Variants in MAGI3 observed in about 807,000 individuals in gnomAD.
MAGI3 encodes the protein membrane associated guanylate kinase, WW and PDZ domain containing 3.
In MAGI3, 43 loss-of-function variants were observed where a neutral mutation model predicts 121.8. That is an observed-to-expected ratio of 0.35 (90% CI 0.28 to 0.46). The LOEUF is 0.46. Ranked by LOEUF, MAGI3 falls within the 20% of genes least tolerant of loss-of-function variation. The pLI, the probability that MAGI3 is intolerant of heterozygous loss-of-function variation, is 1.00. For synonymous variants in MAGI3, 553 were observed against 639.3 expected (o/e 0.86, Z 2.04); for missense variants, 1,547 against 1,797.3 (o/e 0.86, Z 2.52).
chr1:113,409,976 C>T (rs1011431053), intron 1 of MAGI3, among the ~76,000 whole-genome samples: 2 of 152,096 alleles, frequency 1.3e-5, no homozygotes, highest in African/African-American at 2.4e-5. Context: ...CGTATTCTGC[C>T]TAATGTAAAT....
chr1:113,484,707 C>CTT, intron 1 of MAGI3, among the ~76,000 whole-genome samples: 1 of 82,170 alleles, frequency 1.2e-5, no homozygotes, highest in Non-Finnish European at 2.4e-5. Flanking sequence ...CCTCCCCTCC[C>CTT]CTCCCCTCCC....
At chr1:113,673,506 G>C in intron 19 of MAGI3, 41 bp downstream of exon 19, 1 of 1,579,438 alleles carries the variant, frequency 6.3e-7, no homozygotes, top group South Asian at 1.2e-5. Context: ...TCAGGCTCTA[G>C]ACTAGAAACT....
At chr1:113,534,434 C>T (rs954031472) in intron 1 of MAGI3, among the ~76,000 whole-genome samples, 2 of 152,122 alleles carry the variant, frequency 1.3e-5, no homozygotes, top group Admixed American at 6.6e-5. Flanking sequence ...GCCTTTCCTT[C>T]CATGCCATTC....
At chr1:113,642,950 T>G in intron 10 of MAGI3, among the ~76,000 whole-genome samples, 1 of 152,236 alleles carries the variant, frequency 6.6e-6, no homozygotes, top group Non-Finnish European at 1.5e-5. Context: ...TGTGGATAAG[T>G]AAAATGTTGG....
At chr1:113,428,511 G>T (rs911608713) in intron 1 of MAGI3, among the ~76,000 whole-genome samples, 2 of 152,112 alleles carry the variant, frequency 1.3e-5, no homozygotes, top group Non-Finnish European at 2.9e-5. Flanking sequence ...AACCACTATA[G>T]TGTTCAGTAG....
At chr1:113,415,994 A>G (rs77235053) in intron 1 of MAGI3, among the ~76,000 whole-genome samples, 4,329 of 90,146 alleles carry the variant, frequency 0.048, 190 homozygotes, top group African/African-American at 0.11. Context: ...TATTAATTAT[A>G]TAATTAATTA....
chr1:113,618,791 A>T (rs1230700764), intron 7 of MAGI3, among the ~76,000 whole-genome samples: 1 of 152,246 alleles, frequency 6.6e-6, no homozygotes, highest in Non-Finnish European at 1.5e-5. Context: ...GGCGTGAGCC[A>T]CTGCACCCGG....
intron 1 of MAGI3, among the ~76,000 whole-genome samples, chr1:113,530,181 C>G (rs1658636878): frequency 6.6e-6 from 1 of 151,962 alleles, no homozygotes; most frequent in African/African-American, 2.4e-5. Context: ...GAGTAATGAC[C>G]ATAGCCACAG....
At chr1:113,674,502 G>A (rs544515473) in intron 19 of MAGI3, among the ~76,000 whole-genome samples, 83 of 149,668 alleles carry the variant, frequency 5.5e-4, no homozygotes, top group Admixed American at 4.7e-4. Flanking sequence ...TCTAGACACC[G>A]TTCCCCCTAC....
At chr1:113,585,309 A>G in intron 3 of MAGI3, 78 bp from the exon 4 acceptor site, 1 of 1,330,822 alleles carries the variant, frequency 7.5e-7, no homozygotes, top group African/African-American at 1.5e-5. Context: ...AAAACAGGGC[A>G]GAGACATACA....
chr1:113,456,404 GTAACA>G (rs889725969), intron 1 of MAGI3, among the ~76,000 whole-genome samples: 7 of 151,892 alleles, frequency 4.6e-5, no homozygotes, highest in African/African-American at 1.7e-4. Flanking sequence ...CAACTGTTTT[GTAACA>G]TACCCATATA....
intron 2 of MAGI3, among the ~76,000 whole-genome samples, chr1:113,562,816 C>T (rs1337086265): frequency 1.3e-5 from 2 of 152,130 alleles, no homozygotes; most frequent in Non-Finnish European, 2.9e-5. Flanking sequence ...CCTGCACAAC[C>T]TGTGCATGTA....
chr1:113,508,227 A>G (rs762495544), intron 1 of MAGI3, among the ~76,000 whole-genome samples: 3 of 152,242 alleles, frequency 2.0e-5, no homozygotes, highest in Non-Finnish European at 4.4e-5. Flanking sequence ...GAAACATGGT[A>G]TGTAAACATG....
chr1:113,550,029 T>C (rs1188748568), intron 2 of MAGI3, among the ~76,000 whole-genome samples: 2 of 149,086 alleles, frequency 1.3e-5, no homozygotes, highest in East Asian at 4.0e-4. Context: ...GGCAGGAGAA[T>C]CGCTTGAACC....
chr1:113,635,671 A>G (rs1318773300), intron 9 of MAGI3, among the ~76,000 whole-genome samples: 2 of 152,122 alleles, frequency 1.3e-5, no homozygotes, highest in East Asian at 1.9e-4. Context: ...CATCAAGGAT[A>G]TTGGTCTAAA....
At chr1:113,550,130 G>T (rs61819376) in intron 2 of MAGI3, among the ~76,000 whole-genome samples, 1 of 149,178 alleles carries the variant, frequency 6.7e-6, no homozygotes, top group African/African-American at 2.5e-5. Context: ...AAAAAAAAAG[G>T]CCGGGCGCGG....
intron 1 of MAGI3, among the ~76,000 whole-genome samples, chr1:113,505,516 A>T (rs942012927): frequency 7.2e-6 from 1 of 139,222 alleles, no homozygotes; most frequent in South Asian, 2.2e-4. Context: ...CCTACATAAT[A>T]AATAAATAAA....
intron 15 of MAGI3, among the ~76,000 whole-genome samples, chr1:113,657,511 T>C (rs1653545070): frequency 6.6e-6 from 1 of 152,228 alleles, no homozygotes; most frequent in Non-Finnish European, 1.5e-5. Context: ...TAATTCTATT[T>C]AATGCTTTCC....
rs561831745 is a variant in MAGI3 at position 113,449,749 on chromosome 1, T to C, written c.316+58400T>C. On this transcript the variant is annotated intron_variant, in intron 1 of 20. Coordinates refer to ENST00000307546, the MANE Select transcript of MAGI3 (RefSeq NM_001142782.2). ...CCAGAGAAGTTGAGAAAACTGTTTA[T>C]TGGTGGTCTGAGCTTTGAAACTACA... 7.1e-6 allele frequency: 7 copies of C among 983,966 alleles called. No homozygotes were observed. In the East Asian group the frequency reaches 1.7e-4, roughly 23 times the overall value. The allele number at this position is 983,966 out of a possible 1,614,324, so 61.0% of individuals were successfully genotyped here. A position where few individuals can be genotyped will look rare whatever the true frequency, so the allele number is the denominator to read the frequency against.
Sources: allele counts gnomAD v4.1 joint callset (sites outside exome capture counted in the v4.1 genomes callset), GRCh38; gene constraint gnomAD v4.1.1; transcripts MANE v1.5; gene names NCBI Gene and HGNC (gene_info 2026-07-23, HGNC 2026-07-21).